CTNNA3: variants seen among roughly 807,000 people sequenced by gnomAD.
CTNNA3 encodes the protein catenin alpha 3, also known as catenin alpha-3.
A neutral mutation model predicts 95.7 loss-of-function variants in CTNNA3; 76 were observed. The ratio of observed to expected loss-of-function variants is 0.79; its 90% CI spans 0.66 to 0.96. The LOEUF (loss-of-function observed/expected upper bound fraction) is 0.96. CTNNA3 is among the 40% of genes least tolerant of loss of function. The pLI is 0.00. For synonymous variants in CTNNA3, 431 were observed against 374.4 expected, an observed-to-expected ratio of 1.15 and a Z score of -1.74; for missense variants, 1,191 against 1,089.8, an observed-to-expected ratio of 1.09 and a Z score of -1.31.
At chr10:66,799,799 A>G (rs1841360572) in intron 7 of CTNNA3, among the ~76,000 whole-genome samples, 1 of 151,524 alleles carries the variant, frequency 6.6e-6, no homozygotes, top group South Asian at 2.1e-4. Context: ...CAAAGGAAAC[A>G]GAACTAAGAA....
At chr10:65,983,696 C>A (rs932961241) in intron 16 of CTNNA3, among the ~76,000 whole-genome samples, 2 of 151,170 alleles carry the variant, frequency 1.3e-5, no homozygotes, top group Non-Finnish European at 3.0e-5. Flanking sequence ...ATACTTAAGC[C>A]TTTTTTGAGA....
intron 17 of CTNNA3, among the ~76,000 whole-genome samples, chr10:65,955,732 T>C (rs2077715520): frequency 1.3e-5 from 2 of 152,204 alleles, no homozygotes; most frequent in South Asian, 2.1e-4. Flanking sequence ...ATCCCAGGGA[T>C]GAAGCCTACT....
At chr10:66,289,850 T>C (rs965815161) in intron 12 of CTNNA3, among the ~76,000 whole-genome samples, 1 of 152,032 alleles carries the variant, frequency 6.6e-6, no homozygotes, top group Admixed American at 6.6e-5. Flanking sequence ...ACTATGATTA[T>C]GAAACATCAG....
At chr10:66,654,014 C>T (rs989069100) in intron 9 of CTNNA3, among the ~76,000 whole-genome samples, 11 of 151,906 alleles carry the variant, frequency 7.2e-5, no homozygotes, top group African/African-American at 1.4e-4. Context: ...TAGAAGAAAA[C>T]ATAGAGGAAA....
chr10:66,147,614 T>G (rs970226935), intron 13 of CTNNA3, among the ~76,000 whole-genome samples: 3 of 149,252 alleles, frequency 2.0e-5, no homozygotes, highest in African/African-American at 4.9e-5. Context: ...TTCAGTTTTT[T>G]TTTTTTTTTT....
intron 5 of CTNNA3, among the ~76,000 whole-genome samples, chr10:67,432,725 A>G (rs1368673855): frequency 2.6e-5 from 4 of 152,098 alleles, no homozygotes; most frequent in Admixed American, 2.6e-4. Context: ...TACCATATAA[A>G]GTAACATTCA....
At chr10:67,229,538 A>G (rs1865088987) in intron 5 of CTNNA3, among the ~76,000 whole-genome samples, 1 of 152,166 alleles carries the variant, frequency 6.6e-6, no homozygotes. Context: ...GTCACTATTT[A>G]CTGATGATAT....
intron 7 of CTNNA3, among the ~76,000 whole-genome samples, chr10:66,895,254 C>T (rs982686720): frequency 6.6e-6 from 1 of 151,988 alleles, no homozygotes; most frequent in African/African-American, 2.4e-5. Flanking sequence ...TTGTGTGAGA[C>T]AGGAGGCATG....
At chr10:67,241,195 T>C (rs1472028205) in intron 5 of CTNNA3, among the ~76,000 whole-genome samples, 2 of 143,356 alleles carry the variant, frequency 1.4e-5, no homozygotes. Context: ...CCGAGGCAGG[T>C]GGATCACCTG....
At chr10:66,086,873 A>C (rs2081005224) in intron 14 of CTNNA3, among the ~76,000 whole-genome samples, 1 of 152,250 alleles carries the variant, frequency 6.6e-6, no homozygotes, top group African/African-American at 2.4e-5. Flanking sequence ...GCAGTTAGTG[A>C]GGGTGAAAGA....
rs200281690 is a variant in CTNNA3 at position 66,308,542 on chromosome 10, AC to A, written c.1733-27922del. On this transcript the variant is annotated intron_variant, in intron 12 of 17. Coordinates refer to ENST00000433211, the MANE Select transcript of CTNNA3 (RefSeq NM_013266.4). ...ATCTGAAAAAGATAGCAATTTATAA[AC>A]AAAAACAAAAACTTATCAATTCTTT... Among the ~76,000 whole-genome samples the A allele has an allele frequency of 2.9e-3, 445 of 152,316 alleles. 3 individuals carry two copies. Among genetic ancestry groups the A allele is most frequent in the East Asian group, 0.018 (91 of 5,178 alleles).
At chr10:67,692,413 T>C (rs1172659282) in intron 1 of CTNNA3, among the ~76,000 whole-genome samples, 1 of 134,090 alleles carries the variant, frequency 7.5e-6, no homozygotes, top group Non-Finnish European at 1.6e-5. Flanking sequence ...TCTTCTGCCT[T>C]GGGATCCTGT....
At chr10:66,443,606 T>C (rs1290191995) in intron 11 of CTNNA3, among the ~76,000 whole-genome samples, 1 of 152,160 alleles carries the variant, frequency 6.6e-6, no homozygotes, top group Non-Finnish European at 1.5e-5. Context: ...AACCTGCATC[T>C]GAGGGTCCTG....
intron 7 of CTNNA3, among the ~76,000 whole-genome samples, chr10:66,992,086 A>G (rs577053118): frequency 4.6e-5 from 7 of 152,274 alleles, no homozygotes; most frequent in African/African-American, 1.7e-4. Context: ...CAGCCTTATC[A>G]GATGTTGCCA....
At chr10:67,683,343 C>T (rs1193879793) in intron 1 of CTNNA3, among the ~76,000 whole-genome samples, 2 of 152,218 alleles carry the variant, frequency 1.3e-5, no homozygotes, top group Non-Finnish European at 2.9e-5. Flanking sequence ...ATCATGAGGA[C>T]AGGGTCTATT....
chr10:66,368,796 T>C (rs2092731826), intron 12 of CTNNA3, among the ~76,000 whole-genome samples: 2 of 152,184 alleles, frequency 1.3e-5, no homozygotes, highest in Non-Finnish European at 1.5e-5. Context: ...AATTTCATTT[T>C]TTATCAACAT....
At chr10:67,536,057 T>C (rs1350956945) in intron 4 of CTNNA3, among the ~76,000 whole-genome samples, 1 of 152,080 alleles carries the variant, frequency 6.6e-6, no homozygotes, top group African/African-American at 2.4e-5. Flanking sequence ...CTGCTCACCA[T>C]GTCGAGTAGA....
At chr10:66,317,582 A>G (rs1589077593) in intron 12 of CTNNA3, among the ~76,000 whole-genome samples, 1 of 151,962 alleles carries the variant, frequency 6.6e-6, no homozygotes, top group South Asian at 2.1e-4. Flanking sequence ...CTGAGGCAGG[A>G]GAATTATTTG....
At chr10:67,072,572 A>C (rs1430948534) in intron 7 of CTNNA3, among the ~76,000 whole-genome samples, 2 of 152,174 alleles carry the variant, frequency 1.3e-5, no homozygotes, top group African/African-American at 4.8e-5. Context: ...AAGCCAACCA[A>C]GGACTCAGCT....
Sources: gnomAD v4.1 joint callset for allele counts (sites outside exome capture counted in the v4.1 genomes callset) on GRCh38, gnomAD v4.1.1 for gene constraint, MANE v1.5 for transcripts, NCBI Gene and HGNC (gene_info 2026-07-23, HGNC 2026-07-21) for gene names.